Variants in TMPRSS12 observed in about 807,000 individuals in gnomAD.
The protein encoded by TMPRSS12 is transmembrane protease serine 12.
Under a neutral mutation model 26.0 loss-of-function variants are expected in TMPRSS12, and 25 were observed. The observed-to-expected ratio is 0.96, with a 90% CI of 0.70 to 1.34. The LOEUF (loss-of-function observed/expected upper bound fraction) is 1.34. Ranked by LOEUF, TMPRSS12 falls within the 40% of genes most tolerant of loss-of-function variation. The pLI, the probability that TMPRSS12 is intolerant of heterozygous loss-of-function variation, is 0.00. For missense variants in TMPRSS12, 441 were observed against 440.1 expected (o/e 1.00, Z -0.02); for synonymous variants, 150 against 161.7 (o/e 0.93, Z 0.55).
At chr12:50,871,895 T>G (rs1341294702) in intron 3 of TMPRSS12, among the ~76,000 whole-genome samples, 1 of 151,740 alleles carries the variant, frequency 6.6e-6, no homozygotes, top group Non-Finnish European at 1.5e-5. Flanking sequence ...AATACCACCT[T>G]ACTCCTTCAA....
intron 1 of TMPRSS12, 142 bp from the exon 2 acceptor site, chr12:50,843,700 A>G (rs1047865883): frequency 2.5e-6 from 2 of 784,514 alleles, no homozygotes; most frequent in African/African-American, 3.6e-5. Flanking sequence ...GTTTCTTTCA[A>G]AATATGGGCG....
At chr12:50,885,502 A>G in intron 4 of TMPRSS12, 114 bp downstream of exon 4, 1 of 1,258,804 alleles carries the variant, frequency 7.9e-7, no homozygotes, top group South Asian at 1.2e-5. Flanking sequence ...AAAATAATAA[A>G]TCATTTTTTC....
chr12:50,884,736 G>T (rs1256763285), intron 3 of TMPRSS12, among the ~76,000 whole-genome samples: 2 of 152,082 alleles, frequency 1.3e-5, no homozygotes, highest in African/African-American at 4.8e-5. Context: ...GCTGGGCATG[G>T]TGGTGAGTGC....
chr12:50,854,534 C>T (rs1427636203), intron 2 of TMPRSS12, among the ~76,000 whole-genome samples: 1 of 152,068 alleles, frequency 6.6e-6, no homozygotes, highest in Non-Finnish European at 1.5e-5. Context: ...TGTTTGTAGA[C>T]ACTACGATTC....
intron 3 of TMPRSS12, among the ~76,000 whole-genome samples, chr12:50,865,892 C>A (rs973281210): frequency 6.6e-6 from 1 of 152,102 alleles, no homozygotes; most frequent in African/African-American, 2.4e-5. Context: ...TTGAGGCCTA[C>A]CCTCAAGAAA....
chr12:50,856,259 T>C (rs767495349), intron 2 of TMPRSS12, among the ~76,000 whole-genome samples: 1 of 152,146 alleles, frequency 6.6e-6, no homozygotes, highest in Non-Finnish European at 1.5e-5. Flanking sequence ...GCTATCTTGC[T>C]CCTTCTCATC....
At chr12:50,849,455 GT>G (rs1179157358) in intron 2 of TMPRSS12, among the ~76,000 whole-genome samples, 2 of 152,142 alleles carry the variant, frequency 1.3e-5, no homozygotes, top group Non-Finnish European at 2.9e-5. Flanking sequence ...TTTTGACAGT[GT>G]AGATAGTCAT....
intron 3 of TMPRSS12, among the ~76,000 whole-genome samples, chr12:50,881,242 C>T (rs1475113182): frequency 3.3e-5 from 5 of 152,050 alleles, no homozygotes; most frequent in Non-Finnish European, 5.9e-5. Flanking sequence ...CTCAGCCTCC[C>T]AAAGTGCTGG....
chr12:50,852,645 G>A (rs979367265), intron 2 of TMPRSS12, among the ~76,000 whole-genome samples: 1 of 151,924 alleles, frequency 6.6e-6, no homozygotes, highest in Non-Finnish European at 1.5e-5. Flanking sequence ...TCCTGACTTC[G>A]TGAACCATCT....
chr12:50,882,343 G>A (rs1216411463), intron 3 of TMPRSS12, among the ~76,000 whole-genome samples: 1 of 141,296 alleles, frequency 7.1e-6, no homozygotes, highest in Admixed American at 7.2e-5. Context: ...GGTGGTACAT[G>A]TCTGTAGTCT....
rs370303077 is a variant in TMPRSS12, at chr12:50,843,075, G to C, written c.111G>C (p.Pro37=). 2.5e-6 allele frequency: 4 copies of C among 1,588,212 alleles called. No homozygotes were observed. In the East Asian group the frequency reaches 9.1e-5, roughly 36 times the overall value. The change falls in exon 1 of 5, where the codon CCG becomes CCC. Residue 37 remains proline (P), a synonymous_variant. Transcript: ENST00000398458. ...ACAGGCTCGGCCCCTCGCCGGAACC[G>C]GCGGCTAGTTCCCAGCAGGCTGAGG... ...GRHRLGPSPE[P]AASSQQAEAV... is the part of the protein sequence containing the mutation.
chr12:50,870,116 C>A (rs946744109), intron 3 of TMPRSS12, among the ~76,000 whole-genome samples: 2 of 152,096 alleles, frequency 1.3e-5, no homozygotes, highest in Non-Finnish European at 2.9e-5. Flanking sequence ...ATTGCTTGAA[C>A]CCGGGAGGCA....
intron 2 of TMPRSS12, among the ~76,000 whole-genome samples, chr12:50,853,254 A>C (rs956821881): frequency 1.3e-5 from 2 of 152,182 alleles, no homozygotes; most frequent in African/African-American, 2.4e-5. Context: ...TTAAGGTAGA[A>C]ATCAAGAAAT....
intron 2 of TMPRSS12, among the ~76,000 whole-genome samples, chr12:50,849,804 T>A (rs1316959205): frequency 6.6e-6 from 1 of 151,952 alleles, no homozygotes; most frequent in Non-Finnish European, 1.5e-5. Context: ...TAAAGTACAG[T>A]TCTGTGAATT....
intron 2 of TMPRSS12, among the ~76,000 whole-genome samples, chr12:50,853,569 T>A: frequency 1.3e-5 from 1 of 76,720 alleles, no homozygotes; most frequent in African/African-American, 5.0e-5. Context: ...GATAGACCAC[T>A]AGCTAGACTA....
intron 3 of TMPRSS12, among the ~76,000 whole-genome samples, chr12:50,884,171 C>A (rs530067772): frequency 1.6e-4 from 25 of 152,268 alleles, no homozygotes; most frequent in African/African-American, 6.0e-4. Flanking sequence ...AGGTTAATGA[C>A]CTCTAACCTA....
intron 3 of TMPRSS12, among the ~76,000 whole-genome samples, chr12:50,861,118 C>T (rs377196374): frequency 9.2e-5 from 14 of 152,066 alleles, no homozygotes; most frequent in African/African-American, 3.4e-4. Context: ...TATTTTTACC[C>T]CATTTAACAG....
At position 50,887,532 on chromosome 12, in the gene TMPRSS12, C is replaced by CGA; in HGVS notation, c.*19_*20insGA. The CGA allele has an allele frequency of 6.2e-7, 1 of 1,603,520 alleles. No homozygotes were observed. On this transcript the variant is annotated 3_prime_UTR_variant, in exon 5 of 5. Transcript: ENST00000398458. ...AACATAAAGAAATTCTGAAGGCTTT[C>CGA]ATATCTTTATTTTGCATTGTGTCCC...
At chr12:50,882,411 G>A (rs1938184771) in intron 3 of TMPRSS12, among the ~76,000 whole-genome samples, 2 of 148,962 alleles carry the variant, frequency 1.3e-5, no homozygotes, top group South Asian at 4.3e-4. Flanking sequence ...ATAGAAAGCA[G>A]AAAAAAAGAC....
Sources: gnomAD v4.1 joint callset for allele counts (sites outside exome capture counted in the v4.1 genomes callset) on GRCh38, gnomAD v4.1.1 for gene constraint, MANE v1.5 for transcripts, NCBI Gene and HGNC (gene_info 2026-07-23, HGNC 2026-07-21) for gene names.